The following PALM2AKAP2 variants were observed in gnomAD, a reference collection of about 807,000 sequenced individuals.
The protein encoded by PALM2AKAP2 is PALM2 and AKAP2 fusion, also known as PALM2-AKAP2 fusion protein.
PALM2AKAP2 carries 37 observed loss-of-function variants against 71.5 expected under a neutral mutation model. That is an observed-to-expected ratio of 0.52 (90% confidence interval 0.40 to 0.68). The LOEUF is 0.68. Among genes scored for constraint, PALM2AKAP2 ranks in the 30% least tolerant of loss-of-function variants. PALM2AKAP2 has a pLI of 0.00. For synonymous variants in PALM2AKAP2, 468 were observed against 478.8 expected (o/e 0.98, Z 0.29); for missense variants, 1,224 against 1,191.8 (o/e 1.03, Z -0.40).
At chr9:109,902,281 G>A (rs1251754008) in intron 3 of PALM2AKAP2, among the ~76,000 whole-genome samples, 5 of 152,288 alleles carry the variant, frequency 3.3e-5, no homozygotes, top group Non-Finnish European at 5.9e-5. Flanking sequence ...AGTGCCTAGC[G>A]CATAGTGAGT....
At chr9:110,053,682 T>G (rs757893939) in intron 1 of PALM2AKAP2, among the ~76,000 whole-genome samples, 1 of 152,160 alleles carries the variant, frequency 6.6e-6, no homozygotes, top group Non-Finnish European at 1.5e-5. Context: ...GGCAGAATGC[T>G]GCTGCTGGGG....
chr9:110,091,501 C>CA (rs1274837495), intron 1 of PALM2AKAP2, among the ~76,000 whole-genome samples: 1 of 117,418 alleles, frequency 8.5e-6, no homozygotes, highest in Non-Finnish European at 1.6e-5. Context: ...CTTGCTCTGT[C>CA]GCCCAGGCTG....
chr9:109,986,020 G>T (rs1832371835), intron 6 of PALM2AKAP2, among the ~76,000 whole-genome samples: 1 of 152,088 alleles, frequency 6.6e-6, no homozygotes. Flanking sequence ...CATTAAACTG[G>T]CTCCAACTGC....
At chr9:109,663,220 C>T (rs966843874) in intron 1 of PALM2AKAP2, among the ~76,000 whole-genome samples, 1 of 152,052 alleles carries the variant, frequency 6.6e-6, no homozygotes, top group Non-Finnish European at 1.5e-5. Flanking sequence ...TTATTTCTTG[C>T]CTTCTGCTAG....
At chr9:109,975,339 G>A (rs751755348) in intron 6 of PALM2AKAP2, among the ~76,000 whole-genome samples, 11 of 152,132 alleles carry the variant, frequency 7.2e-5, no homozygotes, top group African/African-American at 2.4e-4. Flanking sequence ...ACCAGAAGAC[G>A]GACATCCCAG....
chr9:110,135,164 A>AAATATAT, intron 1 of PALM2AKAP2, among the ~76,000 whole-genome samples: 25 of 51,706 alleles, frequency 4.8e-4, no homozygotes, highest in African/African-American at 1.5e-3. Flanking sequence ...AAAAAAAAAA[A>AAATATAT]ATATATAAAT....
chr9:109,764,114 C>T (rs1168662907), intron 1 of PALM2AKAP2, among the ~76,000 whole-genome samples: 2 of 152,134 alleles, frequency 1.3e-5, no homozygotes, highest in Non-Finnish European at 2.9e-5. Context: ...CTTGACTATA[C>T]TCTTATAATA....
At chr9:109,930,775 T>C (rs1010469819) in intron 5 of PALM2AKAP2, among the ~76,000 whole-genome samples, 10 of 151,998 alleles carry the variant, frequency 6.6e-5, no homozygotes, top group Admixed American at 2.0e-4. Context: ...TGCGGAGGAT[T>C]TTGAACAGAG....
intron 1 of PALM2AKAP2, among the ~76,000 whole-genome samples, chr9:109,699,778 A>T (rs149772702): frequency 2.6e-5 from 3 of 113,246 alleles, no homozygotes; most frequent in East Asian, 2.8e-4. Flanking sequence ...ACCTTTATTT[A>T]TTTTTTTTTT....
intron 1 of PALM2AKAP2, among the ~76,000 whole-genome samples, chr9:110,068,435 T>A (rs1353287374): frequency 2.7e-5 from 4 of 149,452 alleles, no homozygotes; most frequent in South Asian, 2.1e-4. Flanking sequence ...GATATAGGAA[T>A]CTCTGCTCTA....
At chr9:110,159,596 A>G (rs902118522) in intron 3 of PALM2AKAP2, among the ~76,000 whole-genome samples, 2 of 152,178 alleles carry the variant, frequency 1.3e-5, no homozygotes, top group African/African-American at 4.8e-5. Flanking sequence ...TGGAATGTGT[A>G]TAAAGTGTGA....
intron 1 of PALM2AKAP2, among the ~76,000 whole-genome samples, chr9:110,105,739 G>C (rs908597821): frequency 6.6e-6 from 1 of 152,020 alleles, no homozygotes; most frequent in Non-Finnish European, 1.5e-5. Flanking sequence ...TCTTTTTAAT[G>C]TGAGTGGACA....
chr9:109,649,367 C>T (rs1827195470), intron 1 of PALM2AKAP2, among the ~76,000 whole-genome samples: 1 of 152,076 alleles, frequency 6.6e-6, no homozygotes, highest in South Asian at 2.1e-4. Flanking sequence ...AGTTTCCTTA[C>T]ATTTAAAAGT....
rs190497941 is a variant in PALM2AKAP2, at chr9:110,069,051, T to C, written c.156+20196T>C. On this transcript the variant is annotated intron_variant, in intron 1 of 3. Transcript: ENST00000374525. ...AATGTTTTATTTTCTGAAGCCACAGTGTAATTCACAGATGCACCAAGATCA... is the reference window on the plus strand; with the variant it reads ...AATGTTTTATTTTCTGAAGCCACAGCGTAATTCACAGATGCACCAAGATCA... Among the ~76,000 whole-genome samples, 265 of 152,298 alleles carry C rather than the reference T, an allele frequency of 1.7e-3. 1 individual carries two copies. Among genetic ancestry groups the C allele is most frequent in the Admixed American group, 4.6e-3 (71 of 15,296 alleles).
intron 6 of PALM2AKAP2, among the ~76,000 whole-genome samples, chr9:110,012,500 T>G (rs1435914336): frequency 6.6e-6 from 1 of 152,204 alleles, no homozygotes; most frequent in Admixed American, 6.5e-5. Flanking sequence ...AAATACAGTT[T>G]TCTCCTTGGA....
At chr9:109,978,117 G>C (rs916408720) in intron 6 of PALM2AKAP2, among the ~76,000 whole-genome samples, 3 of 152,144 alleles carry the variant, frequency 2.0e-5, no homozygotes, top group Non-Finnish European at 4.4e-5. Context: ...AGGTGAGTGG[G>C]TGAGTGGAAG....
chr9:109,928,243 C>T (rs946531850), intron 5 of PALM2AKAP2, among the ~76,000 whole-genome samples: 4 of 152,190 alleles, frequency 2.6e-5, no homozygotes, highest in Non-Finnish European at 4.4e-5. Flanking sequence ...GCTGGGATTA[C>T]AGGTATCAGC....
At chr9:109,955,869 G>A (rs937110683) in intron 6 of PALM2AKAP2, among the ~76,000 whole-genome samples, 2 of 151,848 alleles carry the variant, frequency 1.3e-5, no homozygotes, top group African/African-American at 2.4e-5. Context: ...TCTGGGAGGC[G>A]GAGGTTGCAG....
chr9:109,661,526 T>TCTGTTTTGGTACCAGTACCATG (rs1827396035), intron 1 of PALM2AKAP2, among the ~76,000 whole-genome samples: 1 of 152,210 alleles, frequency 6.6e-6, no homozygotes, highest in South Asian at 2.1e-4. Context: ...GGTCTTTATA[T>TCTGTTTTGGTACCAGTACCATG]CTGTTTTGGT....
Sources: gnomAD v4.1 joint callset for allele counts (sites outside exome capture counted in the v4.1 genomes callset) on GRCh38, gnomAD v4.1.1 for gene constraint, MANE v1.5 for transcripts, NCBI Gene and HGNC (gene_info 2026-07-23, HGNC 2026-07-21) for gene names.